AMELX: variants seen among roughly 807,000 people sequenced by gnomAD.
AMELX encodes the protein amelogenin X-linked.
Under a neutral mutation model 15.8 loss-of-function variants are expected in AMELX, and 9 were observed. The observed-to-expected ratio is 0.57, with a 90% confidence interval of 0.34 to 0.99. The LOEUF is 0.99. AMELX is among the 50% of genes least tolerant of loss of function. The pLI is 0.02. For missense variants in AMELX, 107 were observed against 156.2 expected (o/e 0.68, Z 1.68); for synonymous variants, 61 against 58.8 (o/e 1.04, Z -0.17).
downstream of AMELX, among the ~76,000 whole-genome samples, chrX:11,304,659 T>G (rs1042010653): frequency 4.5e-5 from 5 of 110,001 alleles, no homozygotes; most frequent in African/African-American, 1.7e-4. Flanking sequence ...TTTACCTTCT[T>G]TCTAGGGCTG....
intron 2 of AMELX, 65 bp from the exon 3 acceptor site, chrX:11,296,714 C>T (rs965149703): frequency 5.5e-6 from 6 of 1,094,543 alleles, no homozygotes; most frequent in Admixed American, 2.2e-5. Flanking sequence ...CTTCCTCTCT[C>T]TTCTCTTCCT....
At chrX:11,303,232 G>T (rs1399465362), downstream of AMELX, among the ~76,000 whole-genome samples, 2 of 112,567 alleles carry the variant, frequency 1.8e-5, no homozygotes, top group African/African-American at 6.5e-5. Context: ...TTATTTTTGT[G>T]ATTTGGCTTT....
At chrX:11,309,298 C>A in the AMELX span, among the ~76,000 whole-genome samples, 2 of 111,510 alleles carry the variant, frequency 1.8e-5, no homozygotes, top group Middle Eastern at 4.6e-3. Context: ...CAGTAGCGAG[C>A]CCCCATACTC....
chrX:11,299,534 C>G (rs990440855), intron 5 of AMELX, among the ~76,000 whole-genome samples: 2 of 112,077 alleles, frequency 1.8e-5, no homozygotes, highest in Non-Finnish European at 3.8e-5. Context: ...CTTTTCTGTA[C>G]TGGGGTTCTA....
At chrX:11,308,450 T>C in the AMELX span, among the ~76,000 whole-genome samples, 5 of 111,979 alleles carry the variant, frequency 4.5e-5, no homozygotes, top group African/African-American at 1.6e-4. Flanking sequence ...CCATCTGTCT[T>C]TGCTGCATGG....
chrX:11,298,495 C>G, intron 4 of AMELX, 53 bp from the exon 5 acceptor site: 1 of 1,201,429 alleles, frequency 8.3e-7, no homozygotes, highest in Non-Finnish European at 1.1e-6. Flanking sequence ...TGCTGCTTCT[C>G]TGGTTGGAGT....
chrX:11,305,163 T>C (rs2048224597), downstream of AMELX, among the ~76,000 whole-genome samples: 1 of 111,062 alleles, frequency 9.0e-6, no homozygotes, highest in Admixed American at 9.6e-5. Flanking sequence ...TTTGGCAATG[T>C]CTGGAGTCAC....
At chrX:11,301,781 G>T (rs568957581), downstream of AMELX, among the ~76,000 whole-genome samples, 1 of 111,857 alleles carries the variant, frequency 8.9e-6, no homozygotes, top group South Asian at 3.7e-4. Flanking sequence ...AAGGAATCTA[G>T]AATCTACCAA....
At chrX:11,297,435 CA>C (rs1410028211) in intron 3 of AMELX, among the ~76,000 whole-genome samples, 1 of 111,874 alleles carries the variant, frequency 8.9e-6, no homozygotes, top group Non-Finnish European at 1.9e-5. Context: ...TTATAATAAC[CA>C]TATTTCAAAA....
At chrX:11,309,444 G>A in the AMELX span, among the ~76,000 whole-genome samples, 1 of 110,909 alleles carries the variant, frequency 9.0e-6, no homozygotes. Context: ...CTCGGAGGGA[G>A]AGAGCCTTGG....
chrX:11,304,096 CTTTTT>C (rs758946992), downstream of AMELX, among the ~76,000 whole-genome samples: 1 of 104,371 alleles, frequency 9.6e-6, no homozygotes, highest in African/African-American at 3.5e-5. Context: ...TCACGTTTGT[CTTTTT>C]TTTTTTGAGA....
chrX:11,302,000 G>A (rs2048180306), downstream of AMELX, among the ~76,000 whole-genome samples: 1 of 112,218 alleles, frequency 8.9e-6, no homozygotes, highest in Non-Finnish European at 1.9e-5. Context: ...CAGATACGTA[G>A]TGTGATAATA....
downstream of AMELX, among the ~76,000 whole-genome samples, chrX:11,303,617 C>T (rs770148237): frequency 1.4e-3 from 154 of 112,068 alleles, no homozygotes; most frequent in Non-Finnish European, 2.5e-3. Context: ...ATATTAAAAT[C>T]TCAATTCCTC....
downstream of AMELX, among the ~76,000 whole-genome samples, chrX:11,304,777 C>CTT (rs953912280): frequency 7.6e-3 from 383 of 50,265 alleles, 77 homozygotes; most frequent in African/African-American, 0.031. Context: ...CTTTCTTTTA[C>CTT]TTTTTTTTTT....
At chrX:11,307,172 T>A in the AMELX span, among the ~76,000 whole-genome samples, 1 of 111,078 alleles carries the variant, frequency 9.0e-6, no homozygotes, top group African/African-American at 3.3e-5. Context: ...GACCCAGGCC[T>A]TGGCCCTCCG....
chrX:11,308,807 C>G, the AMELX span, among the ~76,000 whole-genome samples: 2 of 112,239 alleles, frequency 1.8e-5, no homozygotes, highest in Non-Finnish European at 3.8e-5. Context: ...ATGTTAAAGT[C>G]AAATTCCATT....
intron 5 of AMELX, among the ~76,000 whole-genome samples, chrX:11,299,451 C>T (rs1317300577): frequency 8.9e-6 from 1 of 111,855 alleles, no homozygotes; most frequent in Non-Finnish European, 1.9e-5. Flanking sequence ...CAAAAACCTA[C>T]AGGAAGATTC....
chrX:11,298,709 C>T lies in AMELX; in HGVS notation c.306C>T (p.Pro102=), dbSNP rs200842202. The T allele has an allele frequency of 4.1e-5, 49 of 1,208,509 alleles. No individual in the cohort carries two copies. The highest frequency in any genetic ancestry group is 5.3e-5 in the African/African-American group (3 of 56,684). The change falls in exon 5 of 6, where the codon CCC becomes CCT. Residue 102 remains proline, a synonymous_variant. Transcript: ENST00000380714. ...QPVIPQQPMM[P]VPGQHSMTPI... is the part of the protein sequence containing the mutation. The stretch of plus-strand genomic sequence containing the variant: ...TGATCCCCCAGCAACCAATGATGCC[C>T]GTTCCTGGCCAACACTCCATGACTC...
chrX:11,298,991 C>A lies in AMELX; in HGVS notation c.570+18C>A. 1 of 1,205,324 alleles carries A rather than the reference C, an allele frequency of 8.3e-7. No homozygotes were observed. Among genetic ancestry groups the A allele is most frequent in the Non-Finnish European group, 1.1e-6 (1 of 891,767 alleles). On this transcript the variant is annotated intron_variant, in intron 5 of 5. Coordinates refer to ENST00000380714, the MANE Select transcript of AMELX (RefSeq NM_001142.2). ...AGGAAGTGGTGAGTATATTTTGAAG[C>A]CACTACAATGCAAATCCTGTGAAAA...
Sources: gnomAD v4.1 joint callset for allele counts (sites outside exome capture counted in the v4.1 genomes callset) on GRCh38, gnomAD v4.1.1 for gene constraint, MANE v1.5 for transcripts, NCBI Gene and HGNC (gene_info 2026-07-23, HGNC 2026-07-21) for gene names.